DPY19L3: variants seen among roughly 807,000 people sequenced by gnomAD.
DPY19L3 encodes dpy-19 like C-mannosyltransferase 3.
DPY19L3 carries 51 observed loss-of-function variants against 92.3 expected under a neutral mutation model. That is an observed-to-expected ratio of 0.55 (90% confidence interval 0.44 to 0.70). The LOEUF (loss-of-function observed/expected upper bound fraction) is 0.70. Among genes scored for constraint, DPY19L3 ranks in the 30% least tolerant of loss-of-function variants. The pLI, the probability that DPY19L3 is intolerant of heterozygous loss-of-function variation, is 0.00. For synonymous variants in DPY19L3, 309 were observed against 315.2 expected, an observed-to-expected ratio of 0.98 and a Z score of 0.21; for missense variants, 706 against 855.9, an observed-to-expected ratio of 0.82 and a Z score of 2.18.
chr19:32,472,468 A>T (rs1422023023), intron 16 of DPY19L3, among the ~76,000 whole-genome samples: 1 of 151,880 alleles, frequency 6.6e-6, no homozygotes, highest in South Asian at 2.1e-4. Flanking sequence ...AATTAAATGC[A>T]TATATTCATA....
intron 9 of DPY19L3, among the ~76,000 whole-genome samples, chr19:32,454,254 G>A (rs1478833022): frequency 6.6e-6 from 1 of 152,086 alleles, no homozygotes; most frequent in African/African-American, 2.4e-5. Context: ...TTGTAACTAT[G>A]CCCGTGGTGT....
chr19:32,461,984 C>T (rs891702440), intron 12 of DPY19L3, among the ~76,000 whole-genome samples: 33 of 152,004 alleles, frequency 2.2e-4, no homozygotes, highest in African/African-American at 6.0e-4. Context: ...CCTGAAACCT[C>T]GGATGGTTTC....
intron 3 of DPY19L3, among the ~76,000 whole-genome samples, chr19:32,422,498 A>G (rs1968604713): frequency 6.6e-6 from 1 of 152,164 alleles, no homozygotes; most frequent in Non-Finnish European, 1.5e-5. Context: ...GGACTGAGAG[A>G]GGTCAACAAA....
chr19:32,407,587 C>T (rs75241651), intron 1 of DPY19L3, among the ~76,000 whole-genome samples: 7,659 of 152,126 alleles, frequency 0.05, 479 homozygotes, highest in Admixed American at 0.18. Flanking sequence ...ACTGCTATGG[C>T]TCAGGGAGGG....
chr19:32,459,822 A>C (rs1233658337), intron 12 of DPY19L3, among the ~76,000 whole-genome samples: 1 of 152,236 alleles, frequency 6.6e-6, no homozygotes, highest in Non-Finnish European at 1.5e-5. Flanking sequence ...TATTAGAGGA[A>C]AAGCACTACA....
chr19:32,479,615 C>G (rs1427597411), intron 17 of DPY19L3: 1 of 438,944 alleles, frequency 2.3e-6, no homozygotes, highest in Non-Finnish European at 4.6e-6. Context: ...AAATCTAGCA[C>G]TCGAAATCAG....
intron 3 of DPY19L3, among the ~76,000 whole-genome samples, chr19:32,427,315 C>T (rs769931022): frequency 1.2e-4 from 18 of 152,184 alleles, no homozygotes; most frequent in Admixed American, 4.6e-4. Context: ...CTTGTTGGAA[C>T]ATAAACATCT....
intron 15 of DPY19L3, among the ~76,000 whole-genome samples, chr19:32,466,439 A>G (rs1347883189): frequency 2.0e-5 from 3 of 152,224 alleles, no homozygotes. Context: ...CACTTGGGCC[A>G]GAGAATTCTT....
intron 2 of DPY19L3, 68 bp downstream of exon 2, chr19:32,408,424 C>T: frequency 1.7e-6 from 2 of 1,172,686 alleles, no homozygotes; most frequent in Non-Finnish European, 2.5e-6. Context: ...TGTCACTCTC[C>T]AATAGGATAA....
At chr19:32,445,579 A>G (rs1969472232) in intron 8 of DPY19L3, among the ~76,000 whole-genome samples, 1 of 152,172 alleles carries the variant, frequency 6.6e-6, no homozygotes, top group East Asian at 1.9e-4. Context: ...GAGAATAGCT[A>G]AAGGAAGTTG....
chr19:32,458,591 G>T (rs1160896290), intron 12 of DPY19L3, 82 bp downstream of exon 12: 13 of 1,387,756 alleles, frequency 9.4e-6, no homozygotes, highest in Non-Finnish European at 1.2e-5. Context: ...TTGAAAGTCA[G>T]AATATCAGAC....
chr19:32,410,494 A>T (rs1968141278), intron 2 of DPY19L3, among the ~76,000 whole-genome samples: 2 of 152,150 alleles, frequency 1.3e-5, no homozygotes, highest in Admixed American at 1.3e-4. Context: ...GTTTTAGGTA[A>T]TCGGCCAGGT....
At chr19:32,473,866 T>G (rs1200323516) in intron 16 of DPY19L3, among the ~76,000 whole-genome samples, 2 of 152,184 alleles carry the variant, frequency 1.3e-5, no homozygotes, top group Admixed American at 1.3e-4. Flanking sequence ...TGCAGTGGCG[T>G]GATCTCGGCT....
At chr19:32,475,945 CATT>C (rs1251300228) in intron 16 of DPY19L3, among the ~76,000 whole-genome samples, 1 of 152,184 alleles carries the variant, frequency 6.6e-6, no homozygotes, top group African/African-American at 2.4e-5. Context: ...TATTATGTGT[CATT>C]ATGTATGCTC....
intron 2 of DPY19L3, among the ~76,000 whole-genome samples, chr19:32,408,768 T>A (rs1441515368): frequency 6.6e-6 from 1 of 152,046 alleles, no homozygotes; most frequent in Admixed American, 6.6e-5. Flanking sequence ...TCTTTATAAT[T>A]AGTCAAATTC....
Position 32,411,314 on chromosome 19 carries a change from T to A in DPY19L3, c.179T>A (p.Leu60His). 1 of 1,614,038 alleles carries A rather than the reference T, an allele frequency of 6.2e-7. No individual in the cohort carries two copies. Among genetic ancestry groups the A allele is most frequent in the Non-Finnish European group, 8.5e-7 (1 of 1,179,970 alleles). The change falls in exon 3 of 19, where the codon CTT (leucine) becomes CAT (histidine). Residue 60 changes from leucine (L) to histidine (H), a missense_variant. By Grantham distance (99) the Leu-to-His change is moderately conservative (BLOSUM62 -3). Coordinates refer to ENST00000392250, the MANE Select transcript of DPY19L3 (RefSeq NM_001172774.2). Reference sequence around the variant, plus strand: ...ACCATTGCCCTTTGCATTGGACTTCTTACATCTGTCTACCTTGCCACGTTA... The same window carrying A: ...ACCATTGCCCTTTGCATTGGACTTCATACATCTGTCTACCTTGCCACGTTA... Reference protein sequence around the residue: ...GGTIALCIGLLTSVYLATLHE... With the variant: ...GGTIALCIGLHTSVYLATLHE...
At chr19:32,423,507 C>T (rs1212081842) in intron 3 of DPY19L3, among the ~76,000 whole-genome samples, 1 of 150,664 alleles carries the variant, frequency 6.6e-6, no homozygotes, top group Admixed American at 6.7e-5. Flanking sequence ...TCAGGCAGTC[C>T]ATCCACTTCT....
At chr19:32,422,124 G>A (rs1968592082) in intron 3 of DPY19L3, among the ~76,000 whole-genome samples, 1 of 152,162 alleles carries the variant, frequency 6.6e-6, no homozygotes, top group Non-Finnish European at 1.5e-5. Flanking sequence ...AAGGAACTGG[G>A]ACAAGATTGT....
At chr19:32,461,378 C>T (rs1970035560) in intron 12 of DPY19L3, among the ~76,000 whole-genome samples, 1 of 152,250 alleles carries the variant, frequency 6.6e-6, no homozygotes, top group South Asian at 2.1e-4. Context: ...TGGAATTAAT[C>T]AGAGCCTTCC....
Sources: allele counts gnomAD v4.1 joint callset (sites outside exome capture counted in the v4.1 genomes callset), GRCh38; gene constraint gnomAD v4.1.1; transcripts MANE v1.5; gene names NCBI Gene and HGNC (gene_info 2026-07-23, HGNC 2026-07-21).